XKR6: variants seen among roughly 807,000 people sequenced by gnomAD.
XKR6 encodes XK related 6.
A neutral mutation model predicts 56.7 loss-of-function variants in XKR6; 22 were observed. That is an observed-to-expected ratio of 0.39 (90% CI 0.28 to 0.55). The LOEUF (loss-of-function observed/expected upper bound fraction) is 0.55, where lower values mean the gene tolerates loss of function less well. XKR6 is among the 20% of genes least tolerant of loss of function. The probability of loss-of-function intolerance (pLI) is 0.66; values close to 1 mark genes in which losing one functional copy is unlikely to be tolerated. For missense variants in XKR6, 852 were observed against 889.0 expected (o/e 0.96, Z 0.53); for synonymous variants, 524 against 387.8 (o/e 1.35, Z -4.13).
At chr8:11,082,777 G>A (rs975295953) in intron 1 of XKR6, among the ~76,000 whole-genome samples, 11 of 152,192 alleles carry the variant, frequency 7.2e-5, no homozygotes, top group Admixed American at 3.3e-4. Context: ...CCTTTGGGCC[G>A]TCCTCGAACA....
chr8:10,989,790 T>C (rs1358495244), intron 1 of XKR6, among the ~76,000 whole-genome samples: 1 of 152,226 alleles, frequency 6.6e-6, no homozygotes, highest in Non-Finnish European at 1.5e-5. Context: ...ATATTCTGTC[T>C]GGGTCACAGA....
chr8:10,979,834 C>T (rs1268912860), intron 1 of XKR6, among the ~76,000 whole-genome samples: 1 of 152,202 alleles, frequency 6.6e-6, no homozygotes. Context: ...CCGTCACGCA[C>T]AGACTCCCAG....
intron 1 of XKR6, among the ~76,000 whole-genome samples, chr8:11,086,456 C>G (rs1797894791): frequency 6.6e-6 from 1 of 152,188 alleles, no homozygotes; most frequent in African/African-American, 2.4e-5. Flanking sequence ...AGACGCTCAT[C>G]AGCCTCACAC....
chr8:11,017,648 T>G (rs1798656904), intron 1 of XKR6, among the ~76,000 whole-genome samples: 1 of 152,202 alleles, frequency 6.6e-6, no homozygotes, highest in Non-Finnish European at 1.5e-5. Flanking sequence ...AGAGCCTCAC[T>G]TGATCCATGT....
intron 1 of XKR6, among the ~76,000 whole-genome samples, chr8:11,075,083 G>A (rs1050941465): frequency 6.6e-6 from 1 of 152,178 alleles, no homozygotes; most frequent in African/African-American, 2.4e-5. Flanking sequence ...CAGGTGGGGA[G>A]GGAAGAGGAT....
chr8:11,166,160 T>C (rs967193253), intron 1 of XKR6, among the ~76,000 whole-genome samples: 1 of 152,190 alleles, frequency 6.6e-6, no homozygotes, highest in Non-Finnish European at 1.5e-5. Context: ...TTTTGCCATG[T>C]TGGCCAGCCA....
chr8:11,067,412 T>C (rs915413771), intron 1 of XKR6, among the ~76,000 whole-genome samples: 43 of 152,114 alleles, frequency 2.8e-4, no homozygotes, highest in African/African-American at 9.7e-4. Context: ...AGCATCAGAG[T>C]CCCATTTGAA....
chr8:10,965,693 G>T lies in XKR6; in HGVS notation c.765-40863C>A, dbSNP rs937779098. On this transcript the variant is annotated intron_variant, in intron 1 of 2. Transcript: ENST00000416569. ...CGCCATCTCTCTCTTTCCGGCAGCT[G>T]CAGGGTGTTACCGGGGCAACAGACG... Among the ~76,000 whole-genome samples the T allele has an allele frequency of 7.6e-4, 116 of 152,240 alleles. 1 individual carries two copies. Among genetic ancestry groups the T allele is most frequent in the South Asian group, 4.1e-4 (2 of 4,836 alleles).
intron 1 of XKR6, among the ~76,000 whole-genome samples, chr8:11,033,182 T>G (rs1799035619): frequency 1.3e-5 from 2 of 151,874 alleles, no homozygotes; most frequent in Non-Finnish European, 2.9e-5. Flanking sequence ...GTAATGGTGG[T>G]GAGGATGATG....
chr8:10,968,134 G>C (rs928824501), intron 1 of XKR6, among the ~76,000 whole-genome samples: 2 of 152,154 alleles, frequency 1.3e-5, no homozygotes, highest in African/African-American at 4.8e-5. Flanking sequence ...TGGAGCTCAG[G>C]CAGGTGGGAG....
chr8:11,178,807 C>G (rs1802813924), intron 1 of XKR6, among the ~76,000 whole-genome samples: 1 of 150,772 alleles, frequency 6.6e-6, no homozygotes, highest in South Asian at 2.1e-4. Flanking sequence ...AAGCACTTAG[C>G]TGCTAAAATA....
intron 1 of XKR6, among the ~76,000 whole-genome samples, chr8:10,997,047 C>T (rs185008641): frequency 6.6e-5 from 10 of 152,348 alleles, no homozygotes; most frequent in Non-Finnish European, 1.0e-4. Context: ...AACACACACA[C>T]ATGTACGCCA....
intron 1 of XKR6, among the ~76,000 whole-genome samples, chr8:11,111,076 G>C (rs895927328): frequency 7.0e-6 from 1 of 142,730 alleles, no homozygotes; most frequent in South Asian, 2.2e-4. Context: ...GGATGGTCTC[G>C]ATCTCCTGAC....
At position 11,017,619 on chromosome 8, in the gene XKR6, G is replaced by A. The variant is rs144785132; in HGVS notation, c.765-92789C>T. On this transcript the variant is annotated intron_variant, in intron 1 of 2. Transcript: ENST00000416569. ...TCGAGAGGGGCTGACATTATGGTGG[G>A]CATCAGAGACACCCACACAGAGCCT... 2.4e-3 allele frequency among the ~76,000 whole-genome samples: 372 copies of A among 152,356 alleles called. 1 individual carries two copies. Among genetic ancestry groups the A allele is most frequent in the African/African-American group, 8.7e-3 (360 of 41,594 alleles).
chr8:11,089,215 G>C (rs17152847), intron 1 of XKR6, among the ~76,000 whole-genome samples: 2 of 152,140 alleles, frequency 1.3e-5, no homozygotes, highest in Non-Finnish European at 2.9e-5. Context: ...GTCTGATCTA[G>C]AGTGCCAGAT....
chr8:10,946,302 A>G (rs1801536311), intron 1 of XKR6, among the ~76,000 whole-genome samples: 1 of 152,092 alleles, frequency 6.6e-6, no homozygotes, highest in South Asian at 2.1e-4. Flanking sequence ...CCCCGACCCA[A>G]AGTGAAGTCA....
chr8:11,016,664 G>T (rs950243218), intron 1 of XKR6, among the ~76,000 whole-genome samples: 2 of 152,088 alleles, frequency 1.3e-5, no homozygotes, highest in East Asian at 1.9e-4. Flanking sequence ...CACGGATGAC[G>T]ACGCCCCAGG....
intron 1 of XKR6, among the ~76,000 whole-genome samples, chr8:11,182,939 G>A (rs541537931): frequency 2.0e-4 from 31 of 152,158 alleles, no homozygotes; most frequent in South Asian, 1.7e-3. Flanking sequence ...ACTCCTCCAC[G>A]GCCCTTTTGT....
chr8:10,991,095 G>A (rs987277623), intron 1 of XKR6, among the ~76,000 whole-genome samples: 1 of 151,872 alleles, frequency 6.6e-6, no homozygotes, highest in African/African-American at 2.4e-5. Context: ...GTAGAGACGG[G>A]GTTTCACCAT....
Sources: allele counts gnomAD v4.1 joint callset (sites outside exome capture counted in the v4.1 genomes callset), GRCh38; gene constraint gnomAD v4.1.1; transcripts MANE v1.5; gene names NCBI Gene and HGNC (gene_info 2026-07-23, HGNC 2026-07-21).